Variants in FSTL5 observed in about 807,000 individuals in gnomAD.
FSTL5 encodes the protein follistatin like 5, also known as follistatin-related protein 5.
FSTL5 carries 62 observed loss-of-function variants against 89.1 expected under a neutral mutation model. The observed-to-expected ratio is 0.70, with a 90% confidence interval of 0.57 to 0.86. FSTL5 has a LOEUF of 0.86. Among genes scored for constraint, FSTL5 ranks in the 40% least tolerant of loss-of-function variants. The probability of loss-of-function intolerance (pLI) is 0.00; values close to 1 mark genes in which losing one functional copy is unlikely to be tolerated. For synonymous variants in FSTL5, 383 were observed against 346.2 expected (o/e 1.11, Z -1.18); for missense variants, 1,057 against 1,001.6 (o/e 1.06, Z -0.75).
chr4:161,442,305 CATAGAG>C (rs1183380877), intron 15 of FSTL5, among the ~76,000 whole-genome samples: 2 of 151,960 alleles, frequency 1.3e-5, no homozygotes, highest in African/African-American at 4.8e-5. Flanking sequence ...TTCTATGTGC[CATAGAG>C]ATAGATGCCC....
intron 4 of FSTL5, among the ~76,000 whole-genome samples, chr4:161,837,777 TA>T (rs1245696412): frequency 6.6e-6 from 1 of 152,114 alleles, no homozygotes; most frequent in African/African-American, 2.4e-5. Context: ...AGTTCAAAAA[TA>T]AAATTTATGG....
chr4:161,872,685 G>T (rs1732312679), intron 4 of FSTL5, among the ~76,000 whole-genome samples: 2 of 152,144 alleles, frequency 1.3e-5, no homozygotes, highest in Non-Finnish European at 2.9e-5. Context: ...CTGAAGTTAG[G>T]TGAGCGATAA....
At chr4:161,762,329 C>T (rs6819467) in intron 5 of FSTL5, among the ~76,000 whole-genome samples, 151,092 of 152,240 alleles carry the variant, frequency 0.99, 74,986 homozygotes, top group Middle Eastern at 1. Flanking sequence ...TGAAAAACTA[C>T]ACAAGTAGAC....
chr4:161,966,901 C>A (rs1297212966), intron 3 of FSTL5, among the ~76,000 whole-genome samples: 1 of 151,982 alleles, frequency 6.6e-6, no homozygotes, highest in Non-Finnish European at 1.5e-5. Flanking sequence ...TTTCTCAAAT[C>A]ATGCTTTAGT....
rs943846744 is a variant in FSTL5, at chr4:162,020,635, C to T, written c.160+12990G>A. 4.6e-5 allele frequency among the ~76,000 whole-genome samples: 7 copies of T among 151,808 alleles called. 1 individual carries two copies. The highest frequency in any genetic ancestry group is 6.6e-5 in the Admixed American group (1 of 15,228). On this transcript the variant is annotated intron_variant, in intron 3 of 15. Transcript: ENST00000306100. ...GTCACCTGGCTAGCGAATGTCAAAG[C>T]CAAGTTTTAAGGTAGGCCATTTGAC... is the stretch of plus-strand genomic sequence containing the variant.
intron 15 of FSTL5, among the ~76,000 whole-genome samples, chr4:161,429,333 C>T (rs28814924): frequency 0.18 from 27,428 of 152,124 alleles, 2,534 homozygotes; most frequent in East Asian, 0.32. Flanking sequence ...GCTTTCCCAC[C>T]TGCTGATTGT....
intron 2 of FSTL5, among the ~76,000 whole-genome samples, chr4:162,061,390 T>C (rs961917553): frequency 1.3e-5 from 2 of 152,170 alleles, no homozygotes; most frequent in African/African-American, 4.8e-5. Flanking sequence ...GCATGTGCAA[T>C]GACTCATTCT....
At chr4:161,880,503 AC>A (rs1732593688) in intron 4 of FSTL5, among the ~76,000 whole-genome samples, 1 of 152,064 alleles carries the variant, frequency 6.6e-6, no homozygotes, top group South Asian at 2.1e-4. Context: ...ACTTACTATG[AC>A]CTTAACGTAT....
intron 4 of FSTL5, among the ~76,000 whole-genome samples, chr4:161,867,232 C>T (rs1732122493): frequency 6.6e-6 from 1 of 151,884 alleles, no homozygotes; most frequent in African/African-American, 2.4e-5. Context: ...TGTTTACCTA[C>T]TATCTTGAAA....
At chr4:162,048,319 G>A (rs932202751) in intron 2 of FSTL5, among the ~76,000 whole-genome samples, 5 of 151,980 alleles carry the variant, frequency 3.3e-5, no homozygotes, top group Admixed American at 6.6e-5. Context: ...GGGCGACAAA[G>A]CAAGACTCAG....
chr4:161,805,735 T>G (rs1729944587), intron 4 of FSTL5, among the ~76,000 whole-genome samples: 1 of 152,088 alleles, frequency 6.6e-6, no homozygotes, highest in African/African-American at 2.4e-5. Context: ...ATATGGAACC[T>G]TTAAGATCTA....
intron 15 of FSTL5, among the ~76,000 whole-genome samples, chr4:161,411,446 C>T (rs1425387189): frequency 6.6e-6 from 1 of 151,470 alleles, no homozygotes; most frequent in East Asian, 1.9e-4. Flanking sequence ...CAACAAAATA[C>T]TAGCAAATAA....
At chr4:161,740,588 A>T (rs1204679119) in intron 6 of FSTL5, among the ~76,000 whole-genome samples, 1 of 152,204 alleles carries the variant, frequency 6.6e-6, no homozygotes, top group Non-Finnish European at 1.5e-5. Context: ...TTGAATTTCC[A>T]TGTTATTTAT....
rs547048366 is a variant in FSTL5, at chr4:162,050,026, A to G, written c.127-16368T>C. On this transcript the variant is annotated intron_variant, in intron 2 of 15. Coordinates refer to ENST00000306100, the MANE Select transcript of FSTL5 (RefSeq NM_020116.5). ...ATTCTTGAAAGAAAGAACATATATCAAAAAAGTTAAGTGATATAGGTTTTT... is the reference window on the plus strand; with the variant it reads ...ATTCTTGAAAGAAAGAACATATATCGAAAAAGTTAAGTGATATAGGTTTTT... Among the ~76,000 whole-genome samples, 749 of 152,096 alleles carry G rather than the reference A, an allele frequency of 4.9e-3. 4 individuals carry two copies. Among genetic ancestry groups the G allele is most frequent in the Non-Finnish European group, 8.6e-3 (582 of 67,908 alleles).
At chr4:161,426,879 T>C (rs1732183781) in intron 15 of FSTL5, among the ~76,000 whole-genome samples, 1 of 152,220 alleles carries the variant, frequency 6.6e-6, no homozygotes, top group Non-Finnish European at 1.5e-5. Flanking sequence ...AATATGGTTT[T>C]CTAAAATACA....
intron 2 of FSTL5, among the ~76,000 whole-genome samples, chr4:162,052,303 C>CA (rs201448073): frequency 8.1e-5 from 12 of 149,034 alleles, no homozygotes; most frequent in African/African-American, 2.2e-4. Flanking sequence ...TCAATCATAA[C>CA]AAAAAAAAAG....
chr4:162,020,943 T>G (rs1737060757), intron 3 of FSTL5, among the ~76,000 whole-genome samples: 2 of 152,134 alleles, frequency 1.3e-5, no homozygotes, highest in Admixed American at 6.6e-5. Context: ...TTTTTAAATG[T>G]TTTAAATTGC....
At chr4:161,456,982 C>T (rs1010247012) in intron 14 of FSTL5, among the ~76,000 whole-genome samples, 4 of 152,088 alleles carry the variant, frequency 2.6e-5, no homozygotes, top group East Asian at 1.9e-4. Context: ...CCTAAAAAAA[C>T]GTAGAGACTT....
chr4:162,027,145 T>C (rs549390724), intron 3 of FSTL5, among the ~76,000 whole-genome samples: 1 of 152,292 alleles, frequency 6.6e-6, no homozygotes, highest in South Asian at 2.1e-4. Flanking sequence ...GAGAAGGATG[T>C]TCTTCTCCCT....
Sources: gnomAD v4.1 joint callset for allele counts (sites outside exome capture counted in the v4.1 genomes callset) on GRCh38, gnomAD v4.1.1 for gene constraint, MANE v1.5 for transcripts, NCBI Gene and HGNC (gene_info 2026-07-23, HGNC 2026-07-21) for gene names.